NRSN1: variants seen among roughly 807,000 people sequenced by gnomAD.
NRSN1 encodes neurensin-1.
A neutral mutation model predicts 17.3 loss-of-function variants in NRSN1; 14 were observed. The observed-to-expected ratio is 0.81, with a 90% confidence interval of 0.54 to 1.27. The LOEUF (loss-of-function observed/expected upper bound fraction) is 1.27, where lower values mean the gene tolerates loss of function less well. Ranked by LOEUF, NRSN1 falls within the 50% of genes most tolerant of loss-of-function variation. NRSN1 has a pLI of 0.00. For synonymous variants in NRSN1, 79 were observed against 94.2 expected, an observed-to-expected ratio of 0.84 and a Z score of 0.93; for missense variants, 209 against 235.9, an observed-to-expected ratio of 0.89 and a Z score of 0.75.
At chr6:24,142,781 G>A (rs542446203) in intron 3 of NRSN1, among the ~76,000 whole-genome samples, 40 of 152,228 alleles carry the variant, frequency 2.6e-4, no homozygotes, top group African/African-American at 5.1e-4. Context: ...AAGGTAGTGC[G>A]GACCCAGAGT....
rs1760101084 is a variant in NRSN1 at position 24,135,316 on chromosome 6, G to C, written c.189+800G>C. 1.3e-5 allele frequency among the ~76,000 whole-genome samples: 2 copies of C among 152,222 alleles called. 1 individual carries two copies. The highest frequency in any genetic ancestry group is 4.1e-4 in the South Asian group (2 of 4,834). ...GCCATCTCAAGGAATACCAGGATGA[G>C]TTGAGGGAACAGACCTGACTGAAGG... On this transcript the variant is annotated intron_variant, in intron 3 of 3. Transcript: ENST00000378491.
intron 3 of NRSN1, among the ~76,000 whole-genome samples, chr6:24,136,282 AT>A: frequency 6.6e-6 from 1 of 152,374 alleles, no homozygotes; most frequent in South Asian, 2.1e-4. Flanking sequence ...GAGTTCTTAA[AT>A]GGGAAAAAAA....
intron 3 of NRSN1, among the ~76,000 whole-genome samples, chr6:24,142,000 T>G (rs1013774519): frequency 6.6e-5 from 10 of 152,190 alleles, no homozygotes; most frequent in Non-Finnish European, 1.5e-5. Context: ...TCACCATGGA[T>G]AGTTAAATCA....
rs1262577183 is a variant in NRSN1, at chr6:24,146,406, A to G, written c.*460A>G. ...GTCATATGTGTTCATAGAAACATGG[A>G]ATTCTCTGATTTTGAGCCGAACATG... On this transcript the variant is annotated 3_prime_UTR_variant, in exon 4 of 4. Coordinates refer to ENST00000378491, the MANE Select transcript of NRSN1 (RefSeq NM_080723.5). The G allele has an allele frequency of 7.8e-6, 3 of 385,810 alleles. No individual in the cohort carries two copies. Among genetic ancestry groups the G allele is most frequent in the African/African-American group, 6.3e-5 (3 of 47,380 alleles). The allele number at this position is 385,810 out of a possible 1,614,324, so 23.9% of individuals were successfully genotyped here. A position where few individuals can be genotyped will look rare whatever the true frequency, so the allele number is the denominator to read the frequency against.
rs1760289131 is a variant in NRSN1 at position 24,145,546 on chromosome 6, A to T, written c.190-2A>T. The T allele has an allele frequency of 6.3e-6, 10 of 1,577,360 alleles. No homozygotes were observed. Among genetic ancestry groups the T allele is most frequent in the Non-Finnish European group, 7.8e-6 (9 of 1,158,780 alleles). On this transcript the variant is annotated splice_acceptor_variant, in intron 3 of 3. Transcript: ENST00000378491. LOFTEE classifies it high-confidence loss of function. This position sits in a 1 kb window ranked among gnomAD's most constrained non-coding sequence, Gnocchi z 4.4. ...CTTGCTTCTGTCATTATCTACCTGT[A>T]GGTTGGACTCATCTCAGGTACAGTT...
chr6:24,142,212 T>TTTTTTTTTC (rs1484150562), intron 3 of NRSN1, among the ~76,000 whole-genome samples: 146 of 134,462 alleles, frequency 1.1e-3, no homozygotes, highest in Non-Finnish European at 2.0e-3. Flanking sequence ...TTTTTTTTTT[T>TTTTTTTTTC]TTCAGAAGAC....
rs1554140616 is a variant in NRSN1 at position 24,142,191 on chromosome 6, C to CCTTTTTT, written c.190-3357_190-3356insCTTTTTT. ...AGCACTTATGTCTTATACAGAACAG[C>CCTTTTTT]TTTTTTTTTTTTTTTTTTTTTTTCA... On this transcript the variant is annotated intron_variant, in intron 3 of 3. Coordinates refer to ENST00000378491, the MANE Select transcript of NRSN1 (RefSeq NM_080723.5). 1.7e-3 allele frequency among the ~76,000 whole-genome samples: 75 copies of CCTTTTTT among 44,462 alleles called. 2 individuals carry two copies. Among genetic ancestry groups the CCTTTTTT allele is most frequent in the Middle Eastern group, 0.036 (1 of 28 alleles). The allele number at this position is 44,462 out of a possible 152,430, so 29.2% of individuals were successfully genotyped here.
chr6:24,137,565 G>T (rs1760136076), intron 3 of NRSN1, among the ~76,000 whole-genome samples: 1 of 151,768 alleles, frequency 6.6e-6, no homozygotes, highest in South Asian at 2.1e-4. Flanking sequence ...AAGTTTTAGG[G>T]TACATGTGCA....
chr6:24,132,921 A>T (rs1197857741), intron 2 of NRSN1, among the ~76,000 whole-genome samples: 4 of 152,208 alleles, frequency 2.6e-5, no homozygotes. Flanking sequence ...AGGATAATTT[A>T]AAAATCCAAA....
At chr6:24,144,929 A>C (rs1384759475) in intron 3 of NRSN1, among the ~76,000 whole-genome samples, 1 of 151,434 alleles carries the variant, frequency 6.6e-6, no homozygotes, top group Non-Finnish European at 1.5e-5. Flanking sequence ...ACCAAATGAG[A>C]CAATGTAAGC....
intron 3 of NRSN1, among the ~76,000 whole-genome samples, chr6:24,144,697 C>A (rs1355027005): frequency 6.6e-6 from 1 of 152,118 alleles, no homozygotes; most frequent in East Asian, 1.9e-4. Context: ...TTTACAAGGA[C>A]CTTGTTTTTG....
chr6:24,135,649 A>C (rs994635375), intron 3 of NRSN1, among the ~76,000 whole-genome samples: 1 of 152,212 alleles, frequency 6.6e-6, no homozygotes, highest in African/African-American at 2.4e-5. Flanking sequence ...AAGTAGTCAG[A>C]TTTAGGTAAA....
intron 3 of NRSN1, among the ~76,000 whole-genome samples, chr6:24,143,629 A>T (rs1760256687): frequency 6.6e-6 from 1 of 152,244 alleles, no homozygotes; most frequent in African/African-American, 2.4e-5. Flanking sequence ...ACAGAAGGAA[A>T]GGAAAAATTA....
In NRSN1 at chr6:24,134,496, T is replaced by G. The variant is rs1362762353; in HGVS notation, c.169T>G (p.Trp57Gly). The change falls in exon 3 of 4, where the codon TGG (tryptophan) becomes GGG (glycine). Residue 57 changes from tryptophan (W) to glycine (G), a missense_variant. Trp to Gly is a radical substitution (Grantham distance 184). Transcript: ENST00000378491. Reference protein sequence around the residue: ...DFQIQRSPNRWSSVFWKVGLI... With the variant: ...DFQIQRSPNRGSSVFWKVGLI... ...CCAGATCCAAAGATCACCTAACAGG[T>G]GGAGCTCAGTATTCTGGAAGGTAAG... is the stretch of plus-strand genomic sequence containing the variant. 10 of 1,613,838 alleles carry G rather than the reference T, an allele frequency of 6.2e-6. No homozygotes were observed. The highest frequency in any genetic ancestry group is 7.6e-6 in the Non-Finnish European group (9 of 1,179,916).
intron 3 of NRSN1, among the ~76,000 whole-genome samples, chr6:24,144,151 G>A (rs1036036436): frequency 1.2e-4 from 18 of 152,226 alleles, no homozygotes; most frequent in African/African-American, 4.1e-4. Flanking sequence ...ACATGTGAGA[G>A]GAGAAAGAAC....
chr6:24,145,458 G>A lies in NRSN1; in HGVS notation c.190-90G>A. 1.0e-6 allele frequency: 1 copy of A among 955,490 alleles called. No individual in the cohort carries two copies. Among genetic ancestry groups the A allele is most frequent in the Non-Finnish European group, 1.5e-6 (1 of 671,468 alleles). 59.2% of individuals were successfully genotyped at this position (955,490 alleles called of 1,614,324 possible). ...AACTGGGAATATTCATTTCTCTCAA[G>A]AAACAAGACAAGTGCTGCCCTTGAG... On this transcript the variant is annotated intron_variant, in intron 3 of 3. Transcript: ENST00000378491. The surrounding 1 kb of genome is among the most constrained non-coding windows in gnomAD (Gnocchi z 4.4).
chr6:24,142,665 G>A (rs1760228735), intron 3 of NRSN1, among the ~76,000 whole-genome samples: 1 of 152,110 alleles, frequency 6.6e-6, no homozygotes, highest in African/African-American at 2.4e-5. Context: ...GACCATGTTG[G>A]TCAGGCTTGT....
At position 24,134,566 on chromosome 6, in the gene NRSN1, A is replaced by T; in HGVS notation, c.189+50A>T. The T allele has an allele frequency of 2.0e-6, 3 of 1,476,006 alleles. No homozygotes were observed. In the African/African-American group the frequency reaches 4.1e-5, roughly 20 times the overall value. 91.4% of individuals were successfully genotyped at this position (1,476,006 alleles called of 1,614,324 possible). A position where few individuals can be genotyped will look rare whatever the true frequency, so the allele number is the denominator to read the frequency against. ...TTAGGGAATGGAAAAATTATTGGAC[A>T]TGGTTAATACTGCAGCTGTGGAGGA... On this transcript the variant is annotated intron_variant, in intron 3 of 3. Coordinates refer to ENST00000378491, the MANE Select transcript of NRSN1 (RefSeq NM_080723.5).
At chr6:24,135,500 G>A (rs1312842858) in intron 3 of NRSN1, among the ~76,000 whole-genome samples, 1 of 152,208 alleles carries the variant, frequency 6.6e-6, no homozygotes, top group Non-Finnish European at 1.5e-5. Context: ...GATGATTTAT[G>A]TAGAGCCTTG....
Sources: gnomAD v4.1 joint callset for allele counts (sites outside exome capture counted in the v4.1 genomes callset) on GRCh38, gnomAD v4.1.1 for gene constraint, Gnocchi (gnomAD v3.1) non-coding constraint, MANE v1.5 for transcripts, NCBI Gene and HGNC (gene_info 2026-07-23, HGNC 2026-07-21) for gene names.